The following DLG2 variants were observed in gnomAD, a reference collection of about 807,000 sequenced individuals.
DLG2 encodes discs large MAGUK scaffold protein 2.
In DLG2, 45 loss-of-function variants were observed where a neutral mutation model predicts 132.5. The ratio of observed to expected loss-of-function variants is 0.34; its 90% CI spans 0.27 to 0.44. DLG2 has a LOEUF of 0.44. DLG2 is among the 20% of genes least tolerant of loss of function. The pLI is 1.00. For synonymous variants in DLG2, 424 were observed against 419.6 expected (o/e 1.01, Z -0.13); for missense variants, 1,045 against 1,196.9 (o/e 0.87, Z 1.87).
intron 11 of DLG2, among the ~76,000 whole-genome samples, chr11:84,047,116 G>C (rs1272930562): frequency 6.6e-6 from 1 of 151,570 alleles, no homozygotes; most frequent in African/African-American, 2.4e-5. Context: ...AGCAGAGGAG[G>C]ACTGCATTAT....
At chr11:84,610,659 T>G (rs996439490) in intron 6 of DLG2, among the ~76,000 whole-genome samples, 1 of 152,100 alleles carries the variant, frequency 6.6e-6, no homozygotes, top group Non-Finnish European at 1.5e-5. Context: ...CTGTTGACAG[T>G]GTCCTTGCCC....
intron 3 of DLG2, among the ~76,000 whole-genome samples, chr11:85,522,095 G>A (rs1184687071): frequency 6.6e-6 from 1 of 152,168 alleles, no homozygotes. Flanking sequence ...CCAAGGCCTA[G>A]GAAGGAAAAA....
intron 7 of DLG2, among the ~76,000 whole-genome samples, chr11:84,386,111 T>C (rs1177133936): frequency 2.0e-5 from 3 of 152,048 alleles, no homozygotes. Context: ...TATGTATTTG[T>C]ATTTCCATGC....
At chr11:85,619,979 T>C (rs2081589593) in intron 2 of DLG2, among the ~76,000 whole-genome samples, 1 of 152,234 alleles carries the variant, frequency 6.6e-6, no homozygotes, top group Non-Finnish European at 1.5e-5. Context: ...GCTCATTTTA[T>C]TGCACTTTGC....
At chr11:85,101,412 A>C (rs527870137) in intron 6 of DLG2, among the ~76,000 whole-genome samples, 1 of 152,290 alleles carries the variant, frequency 6.6e-6, no homozygotes, top group African/African-American at 2.4e-5. Context: ...AGTTGTGAGC[A>C]CTGAAATACT....
At chr11:84,450,570 C>G (rs1404708745) in intron 7 of DLG2, among the ~76,000 whole-genome samples, 1 of 151,186 alleles carries the variant, frequency 6.6e-6, no homozygotes, top group African/African-American at 2.4e-5. Context: ...ATTTAGAGAT[C>G]AGGGAGAATG....
At chr11:85,558,345 A>G (rs1244533440) in intron 3 of DLG2, among the ~76,000 whole-genome samples, 1 of 151,976 alleles carries the variant, frequency 6.6e-6, no homozygotes, top group Non-Finnish European at 1.5e-5. Flanking sequence ...ATGCTTATAC[A>G]CTGTTTATGG....
At chr11:83,790,775 C>G in intron 17 of DLG2, 1 of 760,346 alleles carries the variant, frequency 1.3e-6, no homozygotes, top group Non-Finnish European at 2.4e-6. Context: ...TCTGGTCTGC[C>G]TGACTCTCAT....
chr11:84,492,061 C>A (rs999980619), intron 7 of DLG2, among the ~76,000 whole-genome samples: 2 of 151,726 alleles, frequency 1.3e-5, no homozygotes, highest in Non-Finnish European at 1.5e-5. Flanking sequence ...AAATTATGAC[C>A]GAACAGAATT....
At chr11:83,572,695 G>C (rs985219498) in intron 19 of DLG2, among the ~76,000 whole-genome samples, 1 of 152,154 alleles carries the variant, frequency 6.6e-6, no homozygotes, top group Non-Finnish European at 1.5e-5. Context: ...ATAATGGCCA[G>C]CTATGCAGCT....
chr11:83,566,101 A>G (rs937536724), intron 19 of DLG2, among the ~76,000 whole-genome samples: 3 of 152,238 alleles, frequency 2.0e-5, no homozygotes, highest in Non-Finnish European at 4.4e-5. Flanking sequence ...CTAGAAATAT[A>G]ATTTCCCAGA....
intron 6 of DLG2, among the ~76,000 whole-genome samples, chr11:84,591,229 G>C (rs1395156755): frequency 1.3e-5 from 2 of 149,220 alleles, no homozygotes; most frequent in African/African-American, 2.5e-5. Flanking sequence ...CTCTCTGTGT[G>C]TGTGTGTGTG....
At chr11:83,500,404 T>C (rs1268147306) in intron 21 of DLG2, among the ~76,000 whole-genome samples, 1 of 152,202 alleles carries the variant, frequency 6.6e-6, no homozygotes, top group Non-Finnish European at 1.5e-5. Flanking sequence ...GATATGAACA[T>C]GACCTTAAAT....
rs566956416 is a variant in DLG2 at position 84,441,105 on chromosome 11, T to C, written c.519+93465A>G. Among the ~76,000 whole-genome samples the C allele has an allele frequency of 2.6e-5, 4 of 151,380 alleles. No individual in the cohort carries two copies. In the South Asian group the frequency reaches 8.3e-4, roughly 32 times the overall value. On this transcript the variant is annotated intron_variant, in intron 7 of 27. Transcript: ENST00000376104. ...CATATTTGATATGTATATTTGATAGTCCTTTGGCTAATGTCTGATGTTAGT... is the reference window on the plus strand; with the variant it reads ...CATATTTGATATGTATATTTGATAGCCCTTTGGCTAATGTCTGATGTTAGT...
intron 6 of DLG2, among the ~76,000 whole-genome samples, chr11:85,072,399 C>G (rs2065990589): frequency 6.6e-6 from 1 of 151,826 alleles, no homozygotes; most frequent in South Asian, 2.1e-4. Flanking sequence ...ATCAAGAGGT[C>G]TGGATTAGAA....
At chr11:84,732,828 C>T (rs1442885129) in intron 6 of DLG2, among the ~76,000 whole-genome samples, 2 of 143,242 alleles carry the variant, frequency 1.4e-5, no homozygotes, top group African/African-American at 5.1e-5. Flanking sequence ...GTGTGATGTT[C>T]CCCTTCCTGT....
chr11:84,734,872 C>T (rs977962032), intron 6 of DLG2, among the ~76,000 whole-genome samples: 1 of 152,034 alleles, frequency 6.6e-6, no homozygotes, highest in African/African-American at 2.4e-5. Context: ...TGTCAAAGGC[C>T]TTTTCTGCTT....
rs181657981 is a variant in DLG2, at chr11:83,850,176, C to T, written c.1566-16406G>A. 2.9e-3 allele frequency among the ~76,000 whole-genome samples: 250 copies of T among 87,324 alleles called. 4 individuals are homozygous for T. The highest frequency in any genetic ancestry group is 0.021 in the Middle Eastern group (3 of 146). The allele number at this position is 87,324 out of a possible 152,430, so 57.3% of individuals were successfully genotyped here. A position where few individuals can be genotyped will look rare whatever the true frequency, so the allele number is the denominator to read the frequency against. On this transcript the variant is annotated intron_variant, in intron 16 of 27. Coordinates refer to ENST00000376104, the MANE Select transcript of DLG2 (RefSeq NM_001142699.3). The stretch of plus-strand genomic sequence containing the variant: ...TGTGTGTGTGTTTTTTTACTTGAGA[C>T]GGAGTCTCACTCTGTCTCCCAGGCT...
intron 21 of DLG2, among the ~76,000 whole-genome samples, chr11:83,521,091 A>C (rs1266524025): frequency 6.6e-6 from 1 of 152,230 alleles, no homozygotes; most frequent in East Asian, 1.9e-4. Context: ...CTGAACATGA[A>C]AGACGTCTTG....
Sources: gnomAD v4.1 joint callset for allele counts (sites outside exome capture counted in the v4.1 genomes callset) on GRCh38, gnomAD v4.1.1 for gene constraint, MANE v1.5 for transcripts, NCBI Gene and HGNC (gene_info 2026-07-23, HGNC 2026-07-21) for gene names.